The following MYO9A variants were observed in gnomAD, a reference collection of about 807,000 sequenced individuals.
The protein encoded by MYO9A is unconventional myosin-IXa.
MYO9A carries 103 observed loss-of-function variants against 293.3 expected under a neutral mutation model. The observed-to-expected ratio is 0.35, with a 90% CI of 0.30 to 0.41. The LOEUF (loss-of-function observed/expected upper bound fraction) is 0.41, where lower values mean the gene tolerates loss of function less well. MYO9A is among the 10% of genes least tolerant of loss of function. MYO9A has a pLI of 1.00. For synonymous variants in MYO9A, 1,001 were observed against 1,035.7 expected (o/e 0.97, Z 0.64); for missense variants, 2,685 against 3,033.0 (o/e 0.89, Z 2.69).
intron 1 of MYO9A, among the ~76,000 whole-genome samples, chr15:72,073,852 G>C (rs1048900414): frequency 2.2e-4 from 34 of 152,262 alleles, no homozygotes; most frequent in African/African-American, 7.7e-4. Flanking sequence ...TGAAAAAACA[G>C]AAGTAGCTGT....
At chr15:71,926,657 C>T (rs769346463) in intron 18 of MYO9A, among the ~76,000 whole-genome samples, 3 of 152,114 alleles carry the variant, frequency 2.0e-5, no homozygotes, top group Admixed American at 6.5e-5. Flanking sequence ...CAGTGAGCCA[C>T]GATCGTACCA....
rs1321549999 is a variant in MYO9A at position 71,868,523 on chromosome 15, T to C, written c.5980-5912A>G. On this transcript the variant is annotated intron_variant, in intron 32 of 41. Coordinates refer to ENST00000356056, the MANE Select transcript of MYO9A (RefSeq NM_006901.4). ...GTTGATTAGCCATCTTAATTCCATC[T>C]GTGAAGTCCCTTCACAGCAGTACCC... 3.3e-5 allele frequency among the ~76,000 whole-genome samples: 5 copies of C among 152,332 alleles called. No homozygotes were observed. In the South Asian group the frequency reaches 1.0e-3, roughly 32 times the overall value.
intron 35 of MYO9A, 149 bp from the exon 36 acceptor site, chr15:71,852,409 G>A (rs1236112105): frequency 4.1e-6 from 3 of 724,268 alleles, no homozygotes; most frequent in East Asian, 6.8e-5. Flanking sequence ...TGTTGGCCAG[G>A]CTGGAGTGCA....
Position 71,991,147 on chromosome 15 carries a change from G to T in MYO9A, c.1678C>A (p.Arg560Ser). Residue 560 changes from arginine (R) to serine (S), a missense_variant, in exon 11 of 42, where the codon CGT (arginine) becomes AGT (serine). Physicochemically the swap from Arg to Ser is moderately radical, Grantham distance 110. Around this residue, in one of 10 missense-constraint regions of MYO9A, gnomAD observed 201 missense variants for 245.2 expected, o/e 0.82. Transcript: ENST00000356056. ...TGCTGATTAAAGTAGTGCTGTAAAC[G>T]TTCATTAGCAAAATTAATACAGAAC... ...EQFCINFANE[R>S]LQHYFNQHIF... 6.2e-7 allele frequency: 1 copy of T among 1,607,450 alleles called. No individual in the cohort carries two copies. The highest frequency in any genetic ancestry group is 1.1e-5 in the South Asian group (1 of 89,512).
At chr15:71,998,821 G>T (rs892422508) in intron 9 of MYO9A, among the ~76,000 whole-genome samples, 11 of 151,876 alleles carry the variant, frequency 7.2e-5, no homozygotes, top group Non-Finnish European at 2.9e-5. Flanking sequence ...GAGTGAGAAC[G>T]TGCGGTGTTC....
At chr15:71,946,871 T>TG (rs1290097893) in intron 15 of MYO9A, among the ~76,000 whole-genome samples, 1 of 152,188 alleles carries the variant, frequency 6.6e-6, no homozygotes, top group African/African-American at 2.4e-5. Context: ...CCTAGTACTT[T>TG]GGGAGGCCAA....
chr15:71,991,268 G>C, intron 10 of MYO9A, 31 bp from the exon 11 acceptor site: 1 of 1,516,628 alleles, frequency 6.6e-7, no homozygotes, highest in Non-Finnish European at 8.9e-7. Context: ...TTGATTAAAA[G>C]TAATGTTTAA....
At chr15:71,937,455 T>C (rs1304000916) in intron 16 of MYO9A, among the ~76,000 whole-genome samples, 1 of 152,184 alleles carries the variant, frequency 6.6e-6, no homozygotes, top group African/African-American at 2.4e-5. Flanking sequence ...AAAAAGATTA[T>C]GACTCACTGA....
At chr15:71,830,458 G>T in intron 39 of MYO9A, 147 bp from the exon 40 acceptor site, 2 of 767,114 alleles carry the variant, frequency 2.6e-6, no homozygotes, top group Non-Finnish European at 4.3e-6. Context: ...GATATTTAGT[G>T]AGACATATTC....
At chr15:71,973,083 C>A (rs2076054698) in intron 12 of MYO9A, among the ~76,000 whole-genome samples, 1 of 152,106 alleles carries the variant, frequency 6.6e-6, no homozygotes, top group South Asian at 2.1e-4. Flanking sequence ...GCTGGATAAA[C>A]CTCAGATCTT....
At chr15:72,094,195 C>A in intron 1 of MYO9A, among the ~76,000 whole-genome samples, 1 of 84,202 alleles carries the variant, frequency 1.2e-5, no homozygotes. Context: ...GGAAACAGAG[C>A]AAGAACTTGT....
chr15:71,849,706 TTCAGAGCCATTAAG>T (rs2141269668), intron 38 of MYO9A, among the ~76,000 whole-genome samples: 1 of 42,572 alleles, frequency 2.3e-5, no homozygotes, highest in South Asian at 1.6e-3. Context: ...GACCAAAGGA[TTCAGAGCCATTAAG>T]ACCACAGTTA....
Position 71,865,162 on chromosome 15 carries a change from C to T in MYO9A, c.5980-2551G>A, listed in dbSNP as rs143079824. Among the ~76,000 whole-genome samples the T allele has an allele frequency of 6.3e-3, 956 of 152,244 alleles. 7 individuals are homozygous for T. The highest frequency in any genetic ancestry group is 0.022 in the African/African-American group (898 of 41,554). ...CTTTATAACTGACCTCATTAGAAAACTTGGCAGATACAAGTTTTCCAAAAT... is the reference window on the plus strand; with the variant it reads ...CTTTATAACTGACCTCATTAGAAAATTTGGCAGATACAAGTTTTCCAAAAT... On this transcript the variant is annotated intron_variant, in intron 32 of 41. Coordinates refer to ENST00000356056, the MANE Select transcript of MYO9A (RefSeq NM_006901.4).
chr15:72,043,963 C>T (rs930958655), intron 2 of MYO9A, among the ~76,000 whole-genome samples: 2 of 135,018 alleles, frequency 1.5e-5, no homozygotes, highest in Non-Finnish European at 3.1e-5. Flanking sequence ...AATTGGCAAG[C>T]AAAAACCGCA....
At chr15:71,906,641 C>T (rs999761628) in intron 19 of MYO9A, among the ~76,000 whole-genome samples, 3 of 150,994 alleles carry the variant, frequency 2.0e-5, no homozygotes, top group Admixed American at 1.3e-4. Flanking sequence ...TTTTTGTTCG[C>T]ATGGTTTATT....
At chr15:71,861,204 T>C (rs1194396337) in intron 33 of MYO9A, among the ~76,000 whole-genome samples, 3 of 151,088 alleles carry the variant, frequency 2.0e-5, no homozygotes, top group Non-Finnish European at 3.0e-5. Context: ...AATAAGTAAA[T>C]ATATAGTAAT....
chr15:71,835,350 T>C (rs1483057855), intron 39 of MYO9A, among the ~76,000 whole-genome samples: 1 of 152,098 alleles, frequency 6.6e-6, no homozygotes, highest in Admixed American at 6.5e-5. Flanking sequence ...CAAATGAAAC[T>C]ATCATTATTC....
chr15:71,959,818 TCTA>T (rs1596284695), intron 14 of MYO9A, 80 bp downstream of exon 14: 1 of 1,251,870 alleles, frequency 8.0e-7, no homozygotes, highest in East Asian at 2.5e-5. Flanking sequence ...TAGCAAGAAT[TCTA>T]CTCCTTTTTG....
chr15:71,860,840 A>C (rs1302731934), intron 33 of MYO9A, among the ~76,000 whole-genome samples: 1 of 151,680 alleles, frequency 6.6e-6, no homozygotes, highest in African/African-American at 2.4e-5. Context: ...GGTGGTGGGC[A>C]CCTGTAATCC....
Sources: gnomAD v4.1 joint callset for allele counts (sites outside exome capture counted in the v4.1 genomes callset) on GRCh38, gnomAD v4.1.1 for gene constraint, gnomAD v4.1.1 regional missense constraint, MANE v1.5 for transcripts, NCBI Gene and HGNC (gene_info 2026-07-23, HGNC 2026-07-21) for gene names.